Variants in EEA1 observed in about 807,000 individuals in gnomAD.
The protein encoded by EEA1 is early endosome antigen 1, 162kD.
EEA1 carries 111 observed loss-of-function variants against 209.2 expected under a neutral mutation model. That is an observed-to-expected ratio of 0.53 (90% confidence interval 0.45 to 0.62). EEA1 has a LOEUF of 0.62. Ranked by LOEUF, EEA1 falls within the 20% of genes least tolerant of loss-of-function variation. EEA1 has a pLI of 0.00. For missense variants in EEA1, 1,343 were observed against 1,530.8 expected, an observed-to-expected ratio of 0.88 and a Z score of 2.05; for synonymous variants, 536 against 540.6, an observed-to-expected ratio of 0.99 and a Z score of 0.12.
intron 25 of EEA1, 22 bp downstream of exon 25, chr12:92,779,093 T>G: frequency 6.3e-7 from 1 of 1,583,168 alleles, no homozygotes; most frequent in Non-Finnish European, 8.6e-7. Context: ...CAAAACACAC[T>G]TCCCCCGATT....
chr12:92,801,687 T>C lies in EEA1; in HGVS notation c.2685A>G (p.Lys895=). Residue 895 remains lysine, a synonymous_variant, in exon 20 of 29, where the codon AAA becomes AAG. Coordinates refer to ENST00000322349, the MANE Select transcript of EEA1 (RefSeq NM_003566.4). ...AAILDLEKTC[K]ELKHQLQVQM... ...GCACTTGAAGTTGATGCTTTAATTC[T>C]TTGCAAGTTTTTTCCTTAAAAAAAA... 6.3e-7 allele frequency: 1 copy of C among 1,585,856 alleles called. No homozygotes were observed. The highest frequency in any genetic ancestry group is 1.2e-5 in the South Asian group (1 of 84,280).
chr12:92,832,308 A>C (rs1876688805), intron 11 of EEA1, among the ~76,000 whole-genome samples: 1 of 152,258 alleles, frequency 6.6e-6, no homozygotes, highest in East Asian at 1.9e-4. Context: ...CAAAGCTGTA[A>C]GATGGATATT....
chr12:92,858,949 A>G, intron 3 of EEA1: 1 of 697,364 alleles, frequency 1.4e-6, no homozygotes, highest in Non-Finnish European at 2.6e-6. Context: ...AAAGGATTAT[A>G]CTAAGATCAA....
At chr12:92,779,031 A>C in intron 25 of EEA1, 84 bp downstream of exon 25, 1 of 1,188,678 alleles carries the variant, frequency 8.4e-7, no homozygotes, top group Non-Finnish European at 1.1e-6. Flanking sequence ...CATTTCAATC[A>C]GATCTTATAA....
At chr12:92,798,445 C>T (rs1874753645) in intron 21 of EEA1, among the ~76,000 whole-genome samples, 1 of 151,822 alleles carries the variant, frequency 6.6e-6, no homozygotes, top group South Asian at 2.1e-4. Context: ...CCTCAGCTTC[C>T]TGAGTAGCTG....
chr12:92,860,569 C>T (rs1301913303), intron 3 of EEA1, among the ~76,000 whole-genome samples: 1 of 152,042 alleles, frequency 6.6e-6, no homozygotes. Flanking sequence ...CCATGATTAC[C>T]ATGATTCCTT....
intron 10 of EEA1, among the ~76,000 whole-genome samples, chr12:92,837,585 T>C (rs1290551544): frequency 6.6e-6 from 1 of 152,190 alleles, no homozygotes; most frequent in African/African-American, 2.4e-5. Flanking sequence ...TATAATTTTG[T>C]TTAGAATTTA....
At chr12:92,870,245 C>T (rs563821970) in intron 2 of EEA1, among the ~76,000 whole-genome samples, 1 of 152,010 alleles carries the variant, frequency 6.6e-6, no homozygotes, top group East Asian at 1.9e-4. Flanking sequence ...TACATAATTA[C>T]CTCATAGAAA....
chr12:92,901,069 C>T (rs1283413638), intron 1 of EEA1, among the ~76,000 whole-genome samples: 1 of 152,146 alleles, frequency 6.6e-6, no homozygotes, highest in African/African-American at 2.4e-5. Flanking sequence ...GTATTAAGAA[C>T]AATGAAAGAC....
At chr12:92,837,615 G>A (rs1381105543) in intron 10 of EEA1, among the ~76,000 whole-genome samples, 2 of 152,154 alleles carry the variant, frequency 1.3e-5, no homozygotes, top group African/African-American at 4.8e-5. Flanking sequence ...AGTTAATTGA[G>A]CTGTTTAAAT....
At position 92,864,902 on chromosome 12, in the gene EEA1, T is replaced by C; in HGVS notation, c.203A>G (p.Asn68Ser). Residue 68 changes from asparagine to serine, a missense_variant, in exon 3 of 29, where the codon AAT becomes AGT. Transcript: ENST00000322349. ...KHYEAVHDAGNDSGHGGESNL... is the reference protein window; with the variant it reads ...KHYEAVHDAGSDSGHGGESNL... ...AGACTCTCCTCCATGACCTGAGTCA[T>C]TACCAGCATCATGAACAGCTTCATA... is the stretch of plus-strand genomic sequence containing the variant. 6.2e-7 allele frequency: 1 copy of C among 1,610,586 alleles called. No homozygotes were observed. The highest frequency in any genetic ancestry group is 1.1e-5 in the South Asian group (1 of 90,264).
At chr12:92,824,107 G>A (rs1876185554) in intron 13 of EEA1, among the ~76,000 whole-genome samples, 1 of 152,012 alleles carries the variant, frequency 6.6e-6, no homozygotes, top group Non-Finnish European at 1.5e-5. Context: ...AAATCCAGTG[G>A]GATTCTCCAT....
intron 12 of EEA1, among the ~76,000 whole-genome samples, chr12:92,826,890 T>C (rs987295212): frequency 7.2e-5 from 11 of 152,200 alleles, no homozygotes; most frequent in African/African-American, 2.7e-4. Flanking sequence ...ATTAATTACA[T>C]ATAAATTATT....
At chr12:92,796,534 TATCTACTTATATATATAACTCTATAG>T (rs1232319342) in intron 21 of EEA1, among the ~76,000 whole-genome samples, 2 of 152,026 alleles carry the variant, frequency 1.3e-5, no homozygotes, top group Non-Finnish European at 2.9e-5. Context: ...TATCTATAGA[TATCTACTTATATATATAACTCTATAG>T]CTATAGATAT....
intron 1 of EEA1, among the ~76,000 whole-genome samples, chr12:92,893,220 A>G (rs1879733999): frequency 6.6e-6 from 1 of 152,220 alleles, no homozygotes; most frequent in African/African-American, 2.4e-5. Context: ...ACTGGGTAAA[A>G]AGAGATTTAG....
intron 16 of EEA1, 139 bp downstream of exon 16, chr12:92,812,841 G>A (rs1565818641): frequency 2.0e-6 from 1 of 504,214 alleles, no homozygotes; most frequent in Non-Finnish European, 3.4e-6. Flanking sequence ...CTACTCAACT[G>A]GAACTCATGG....
intron 11 of EEA1, among the ~76,000 whole-genome samples, chr12:92,830,596 G>T (rs2136691269): frequency 6.6e-6 from 1 of 152,158 alleles, no homozygotes; most frequent in Admixed American, 6.5e-5. Flanking sequence ...TTCAGGTCAA[G>T]AAGACAGACT....
intron 1 of EEA1, among the ~76,000 whole-genome samples, chr12:92,915,960 AGAGACT>A (rs1258328864): frequency 2.6e-5 from 4 of 152,216 alleles, no homozygotes; most frequent in Admixed American, 2.0e-4. Flanking sequence ...CAAGTCAGTA[AGAGACT>A]GAGACTATCA....
intron 11 of EEA1, 44 bp downstream of exon 11, chr12:92,832,468 A>C: frequency 6.5e-7 from 1 of 1,533,820 alleles, no homozygotes. Flanking sequence ...CACGAAGAAG[A>C]AACCAGAGGG....
Sources: gnomAD v4.1 joint callset for allele counts (sites outside exome capture counted in the v4.1 genomes callset) on GRCh38, gnomAD v4.1.1 for gene constraint, MANE v1.5 for transcripts, NCBI Gene and HGNC (gene_info 2026-07-23, HGNC 2026-07-21) for gene names.